Variants in NRXN3 observed in about 807,000 individuals in gnomAD.
NRXN3 encodes neurexin 3, also known as neurexin III.
NRXN3 carries 32 observed loss-of-function variants against 137.6 expected under a neutral mutation model. That is an observed-to-expected ratio of 0.23 (90% CI 0.18 to 0.31). The LOEUF (loss-of-function observed/expected upper bound fraction) is 0.31. NRXN3 is among the 10% of genes least tolerant of loss of function. The pLI is 1.00. For missense variants in NRXN3, 1,574 were observed against 2,062.5 expected (o/e 0.76, Z 4.59); for synonymous variants, 798 against 784.5 (o/e 1.02, Z -0.29).
At chr14:78,218,405 T>C (rs1044920016) in intron 1 of NRXN3, among the ~76,000 whole-genome samples, 8 of 152,198 alleles carry the variant, frequency 5.3e-5, no homozygotes, top group Non-Finnish European at 1.2e-4. Context: ...AAAATTAATC[T>C]TATGTCCTTA....
chr14:79,126,978 G>C (rs1412546400), intron 15 of NRXN3, among the ~76,000 whole-genome samples: 1 of 152,160 alleles, frequency 6.6e-6, no homozygotes, highest in Non-Finnish European at 1.5e-5. Context: ...GTCTTCTTTT[G>C]AGAAGTGTCT....
intron 10 of NRXN3, among the ~76,000 whole-genome samples, chr14:78,930,891 G>A (rs977239864): frequency 6.6e-6 from 1 of 152,178 alleles, no homozygotes; most frequent in Non-Finnish European, 1.5e-5. Context: ...TCCAGGGCAT[G>A]TAGTACTTAG....
At chr14:78,405,756 C>T (rs1307853211) in intron 4 of NRXN3, among the ~76,000 whole-genome samples, 2 of 152,158 alleles carry the variant, frequency 1.3e-5, no homozygotes, top group Non-Finnish European at 2.9e-5. Flanking sequence ...CTGGGGGACA[C>T]ATTCATTTCA....
At chr14:79,834,445 C>T (rs1453446100) in intron 20 of NRXN3, among the ~76,000 whole-genome samples, 1 of 152,132 alleles carries the variant, frequency 6.6e-6, no homozygotes, top group Non-Finnish European at 1.5e-5. Context: ...TTCCATTTCT[C>T]ACACCAACCA....
At chr14:78,525,038 C>G (rs1265622577) in intron 4 of NRXN3, among the ~76,000 whole-genome samples, 1 of 152,194 alleles carries the variant, frequency 6.6e-6, no homozygotes, top group African/African-American at 2.4e-5. Context: ...ACTTCTCTGA[C>G]AATCCTATGT....
intron 15 of NRXN3, among the ~76,000 whole-genome samples, chr14:79,342,657 T>C (rs2092671399): frequency 6.6e-6 from 1 of 152,206 alleles, no homozygotes; most frequent in Admixed American, 6.5e-5. Flanking sequence ...CCTACTCAGC[T>C]GCGTTATCCC....
intron 8 of NRXN3, chr14:78,753,953 C>T (rs2098655470): frequency 1.3e-5 from 2 of 152,110 alleles, no homozygotes; most frequent in African/African-American, 4.8e-5. Context: ...AACTGGGGCA[C>T]ATTCAAATTT....
chr14:78,937,195 A>G (rs1244445845), intron 10 of NRXN3, among the ~76,000 whole-genome samples: 1 of 151,756 alleles, frequency 6.6e-6, no homozygotes, highest in Non-Finnish European at 1.5e-5. Flanking sequence ...GAAAAAAAAA[A>G]AAAAAAAGAA....
rs541151225 is a variant in NRXN3, at chr14:79,118,687, T to A, written c.3262+130546T>A. The stretch of plus-strand genomic sequence containing the variant: ...TAATCTGGCTCTTATAGTGGACACA[T>A]TTGGTTAGATACAAGTGTAAGAAGT... On this transcript the variant is annotated intron_variant, in intron 15 of 20. Transcript: ENST00000335750. 7.2e-5 allele frequency among the ~76,000 whole-genome samples: 11 copies of A among 152,322 alleles called. No individual in the cohort carries two copies. The South Asian group carries it at 2.3e-3, about 32-fold the overall frequency.
At chr14:79,321,081 C>T (rs1472398529) in intron 15 of NRXN3, among the ~76,000 whole-genome samples, 2 of 152,034 alleles carry the variant, frequency 1.3e-5, no homozygotes, top group Non-Finnish European at 2.9e-5. Context: ...TCCATATGCT[C>T]ATGTGTGTTT....
At chr14:78,802,675 T>C (rs2098843035) in intron 8 of NRXN3, among the ~76,000 whole-genome samples, 1 of 152,144 alleles carries the variant, frequency 6.6e-6, no homozygotes. Flanking sequence ...CCAGGCGCAG[T>C]GGGCTCACGT....
chr14:79,336,530 C>T lies in NRXN3; in HGVS notation c.3263-130691C>T, dbSNP rs1370999973. ...GACTTTGCTCTTTTGAGTAAGTGAT[C>T]ATCAAATGTCCTTGCAGTCAGAATG... On this transcript the variant is annotated intron_variant, in intron 15 of 20. Coordinates refer to ENST00000335750, the MANE Select transcript of NRXN3 (RefSeq NM_001330195.2). Among the ~76,000 whole-genome samples the T allele has an allele frequency of 5.3e-5, 8 of 152,268 alleles. No individual in the cohort carries two copies. The East Asian group carries it at 1.5e-3, about 29-fold the overall frequency.
At chr14:79,419,141 A>G (rs1231631036) in intron 15 of NRXN3, among the ~76,000 whole-genome samples, 3 of 152,216 alleles carry the variant, frequency 2.0e-5, no homozygotes, top group Non-Finnish European at 4.4e-5. Context: ...TGAGTAAAGT[A>G]CCAGACATTT....
At chr14:78,278,547 A>G in intron 2 of NRXN3, 98 bp from the exon 3 acceptor site, 1 of 923,706 alleles carries the variant, frequency 1.1e-6, no homozygotes, top group Non-Finnish European at 1.7e-6. Context: ...GCAAGAGCAC[A>G]TTGCATTGTG....
chr14:78,736,822 T>G (rs2098543163), intron 8 of NRXN3, among the ~76,000 whole-genome samples: 1 of 152,172 alleles, frequency 6.6e-6, no homozygotes, highest in Non-Finnish European at 1.5e-5. Context: ...ATATGTAGCT[T>G]ATTAGATAAA....
intron 15 of NRXN3, among the ~76,000 whole-genome samples, chr14:79,159,901 T>G (rs1223859434): frequency 6.6e-6 from 1 of 151,936 alleles, no homozygotes; most frequent in East Asian, 1.9e-4. Context: ...TTATATGCGT[T>G]TTCCACGAAC....
In NRXN3 at chr14:78,969,814, AGTGTGTGTGTGT is replaced by A. The variant is rs376306137; in HGVS notation, c.3142+1499_3142+1510del. 1.0e-3 allele frequency among the ~76,000 whole-genome samples: 143 copies of A among 141,502 alleles called. No homozygotes were observed. The East Asian group carries it at 0.01, about 10-fold the overall frequency. 92.8% of individuals were successfully genotyped at this position (141,502 alleles called of 152,430 possible). On this transcript the variant is annotated intron_variant, in intron 14 of 20. Coordinates refer to ENST00000335750, the MANE Select transcript of NRXN3 (RefSeq NM_001330195.2). ...GCCAAATATGGTGTTTGTACTATGT[AGTGTGTGTGTGT>A]GTGTGTGTGTGTGTGTGTGTGTGTG...
Position 78,913,966 on chromosome 14 carries a change from C to T in NRXN3, c.2276-43276C>T, listed in dbSNP as rs117290637. 5.3e-3 allele frequency among the ~76,000 whole-genome samples: 809 copies of T among 152,284 alleles called. 5 individuals are homozygous for T. The highest frequency in any genetic ancestry group is 8.8e-3 in the Non-Finnish European group (598 of 68,022). ...GGCAGCCCTAAAGACTCTGCCTGGA[C>T]TGACACATCCCAGTCCTATTCCCAG... On this transcript the variant is annotated intron_variant, in intron 10 of 20. Transcript: ENST00000335750.
intron 15 of NRXN3, among the ~76,000 whole-genome samples, chr14:79,134,101 T>C (rs371388670): frequency 1.3e-5 from 2 of 151,726 alleles, no homozygotes; most frequent in African/African-American, 4.8e-5. Flanking sequence ...CCCTTAGTGG[T>C]GAAGAAACTG....
Sources: gnomAD v4.1 joint callset for allele counts (sites outside exome capture counted in the v4.1 genomes callset) on GRCh38, gnomAD v4.1.1 for gene constraint, MANE v1.5 for transcripts, NCBI Gene and HGNC (gene_info 2026-07-23, HGNC 2026-07-21) for gene names.